Variants in FANCB observed in about 807,000 individuals in gnomAD.
FANCB encodes the protein FA complementation group B, also known as Fanconi anemia group B protein.
A neutral mutation model predicts 38.9 loss-of-function variants in FANCB; 5 were observed. The ratio of observed to expected loss-of-function variants is 0.13; its 90% CI spans 0.07 to 0.27. The LOEUF is 0.27. FANCB is among the 10% of genes least tolerant of loss of function. The pLI, the probability that FANCB is intolerant of heterozygous loss-of-function variation, is 1.00. For missense variants in FANCB, 573 were observed against 602.7 expected (o/e 0.95, Z 0.52); for synonymous variants, 236 against 215.4 (o/e 1.10, Z -0.84).
the FANCB span, among the ~76,000 whole-genome samples, chrX:14,817,971 AATAT>A: frequency 2.7e-5 from 3 of 111,462 alleles, no homozygotes; most frequent in East Asian, 2.8e-4. Context: ...CACAAACATA[AATAT>A]ATATTTTAAA....
At chrX:14,848,782 T>C (rs375646010) in intron 7 of FANCB, among the ~76,000 whole-genome samples, 1 of 111,472 alleles carries the variant, frequency 9.0e-6, no homozygotes, top group East Asian at 2.8e-4. Context: ...CATCCCCACG[T>C]GACCATCTCA....
At chrX:14,725,954 A>G in the FANCB span, among the ~76,000 whole-genome samples, 2 of 112,535 alleles carry the variant, frequency 1.8e-5, no homozygotes, top group Non-Finnish European at 3.8e-5. Context: ...CTAATCAGTG[A>G]ATAACAAAAG....
chrX:14,787,876 AATATATATATATAT>A, the FANCB span, among the ~76,000 whole-genome samples: 638 of 41,672 alleles, frequency 0.015, 10 homozygotes, highest in African/African-American at 0.039. Flanking sequence ...TTAAAAATAG[AATATATATATATAT>A]ATATATATAT....
the FANCB span, among the ~76,000 whole-genome samples, chrX:14,775,736 T>C: frequency 8.9e-6 from 1 of 111,999 alleles, no homozygotes; most frequent in African/African-American, 3.2e-5. Flanking sequence ...TTGATCCAGA[T>C]ATAGTGATCA....
chrX:14,815,714 G>C, the FANCB span, among the ~76,000 whole-genome samples: 5 of 112,239 alleles, frequency 4.5e-5, no homozygotes, highest in African/African-American at 1.6e-4. Flanking sequence ...GATACCCACA[G>C]ACATGTTTAT....
At chrX:14,692,890 C>T in the FANCB span, among the ~76,000 whole-genome samples, 1 of 111,126 alleles carries the variant, frequency 9.0e-6, no homozygotes, top group African/African-American at 3.3e-5. Context: ...ATATTAAAGA[C>T]TAATTTTTAA....
chrX:14,791,448 T>C, the FANCB span, among the ~76,000 whole-genome samples: 1 of 111,782 alleles, frequency 8.9e-6, no homozygotes, highest in Non-Finnish European at 1.9e-5. Context: ...ACCTTGATCT[T>C]GGATGTCCAG....
chrX:14,802,318 C>T, the FANCB span, among the ~76,000 whole-genome samples: 1 of 111,392 alleles, frequency 9.0e-6, no homozygotes, highest in African/African-American at 3.3e-5. Flanking sequence ...GATGGCATGG[C>T]ATCATATGAT....
the FANCB span, among the ~76,000 whole-genome samples, chrX:14,691,301 G>A: frequency 1.9e-5 from 2 of 104,915 alleles, no homozygotes; most frequent in Non-Finnish European, 1.9e-5. Context: ...GTGTGTGTGT[G>A]TGTGTGTGTG....
rs754983238 is a variant in FANCB at position 14,859,206 on chromosome X, C to G, written c.1080G>C (p.Thr360=). 6.7e-6 allele frequency: 8 copies of G among 1,185,610 alleles called. No individual in the cohort carries two copies. In the Middle Eastern group the frequency reaches 9.5e-4, roughly 140 times the overall value. ...CCGAATAGTTTATTTTTCCAAGATC[C>G]GTTATTTTAAATGAAGTCAGGCAGT... is the stretch of plus-strand genomic sequence containing the variant. ...NSDCLTSFKI[T]DLGKINYSSE... is the part of the protein sequence containing the mutation. Residue 360 remains threonine, a synonymous_variant, in exon 4 of 10, where the codon ACG becomes ACC. Coordinates refer to ENST00000650831, the MANE Select transcript of FANCB (RefSeq NM_001018113.3).
the FANCB span, among the ~76,000 whole-genome samples, chrX:14,800,385 T>C: frequency 9.0e-6 from 1 of 111,095 alleles, no homozygotes; most frequent in Non-Finnish European, 1.9e-5. Flanking sequence ...GAATGATGCA[T>C]CTACAAGCTA....
chrX:14,774,816 A>G, the FANCB span, among the ~76,000 whole-genome samples: 4 of 106,090 alleles, frequency 3.8e-5, no homozygotes, highest in African/African-American at 1.1e-4. Context: ...TTCTATTTCC[A>G]CTCTGTTATT....
chrX:14,704,061 C>T, the FANCB span, among the ~76,000 whole-genome samples: 2 of 111,566 alleles, frequency 1.8e-5, no homozygotes, highest in African/African-American at 3.3e-5. Context: ...ACCCCATCCT[C>T]GGCCTCCCCA....
At chrX:14,807,297 C>T in the FANCB span, among the ~76,000 whole-genome samples, 1 of 112,210 alleles carries the variant, frequency 8.9e-6, no homozygotes, top group African/African-American at 3.2e-5. Flanking sequence ...GTACTTACTG[C>T]AGAGTCACCA....
At chrX:14,832,277 T>G (rs1372738361), downstream of FANCB, among the ~76,000 whole-genome samples, 2 of 111,615 alleles carry the variant, frequency 1.8e-5, no homozygotes, top group Non-Finnish European at 3.8e-5. Context: ...GGCTTGCAGC[T>G]ACATAACTCC....
At position 14,843,638 on chromosome X, in the gene FANCB, C is replaced by T. The variant is rs1569082475; in HGVS notation, c.2509G>A (p.Glu837Lys). The T allele has an allele frequency of 8.3e-7, 1 of 1,208,410 alleles. No homozygotes were observed. The highest frequency in any genetic ancestry group is 1.1e-6 in the Non-Finnish European group (1 of 893,523). The stretch of plus-strand genomic sequence containing the variant: ...ACCTCAGCTACTTTCAAAGTTATTT[C>T]TCTGTAAAGGGCACCACTCACTTTT... ...NLKVSGALYR[E>K]ITLKVAEVQL... The change falls in exon 10 of 10, where the codon GAA becomes AAA. Residue 837 changes from glutamate to lysine, a missense_variant. Glu to Lys is a moderately conservative substitution (Grantham distance 56, BLOSUM62 1). Transcript: ENST00000650831.
At chrX:14,690,821 T>C in the FANCB span, 2 of 1,206,834 alleles carry the variant, frequency 1.7e-6, no homozygotes, top group Non-Finnish European at 2.2e-6. Flanking sequence ...ACACAAGGAG[T>C]TCCTGCGCCT....
At chrX:14,850,208 G>A (rs753063979) in intron 7 of FANCB, among the ~76,000 whole-genome samples, 8 of 110,938 alleles carry the variant, frequency 7.2e-5, no homozygotes, top group Non-Finnish European at 1.3e-4. Flanking sequence ...AAACTAGCCG[G>A]GCATGATGGT....
intron 5 of FANCB, among the ~76,000 whole-genome samples, chrX:14,855,780 C>G (rs1306303979): frequency 8.9e-6 from 1 of 112,086 alleles, no homozygotes; most frequent in Admixed American, 9.5e-5. Flanking sequence ...TGTTTCCAGA[C>G]AGGATTTTCT....
Sources: gnomAD v4.1 joint callset for allele counts (sites outside exome capture counted in the v4.1 genomes callset) on GRCh38, gnomAD v4.1.1 for gene constraint, MANE v1.5 for transcripts, NCBI Gene and HGNC (gene_info 2026-07-23, HGNC 2026-07-21) for gene names.